GPR176: variants seen among roughly 807,000 people sequenced by gnomAD.
GPR176 encodes G protein-coupled receptor 176, also known as G-protein coupled receptor 176.
GPR176 carries 26 observed loss-of-function variants against 35.4 expected under a neutral mutation model. The observed-to-expected ratio is 0.74, with a 90% CI of 0.54 to 1.02. The LOEUF (loss-of-function observed/expected upper bound fraction) is 1.02, where lower values mean the gene tolerates loss of function less well. Ranked by LOEUF, GPR176 falls within the 50% of genes least tolerant of loss-of-function variation. The pLI is 0.00. For missense variants in GPR176, 597 were observed against 665.3 expected, an observed-to-expected ratio of 0.90 and a Z score of 1.13; for synonymous variants, 278 against 271.3, an observed-to-expected ratio of 1.02 and a Z score of -0.24.
At chr15:39,911,673 C>G (rs948669095) in intron 1 of GPR176, among the ~76,000 whole-genome samples, 2 of 152,180 alleles carry the variant, frequency 1.3e-5, no homozygotes, top group African/African-American at 4.8e-5. Context: ...AAAACTGATA[C>G]AGTGATAACT....
chr15:39,820,071 T>C (rs548496038), intron 1 of GPR176, among the ~76,000 whole-genome samples: 18 of 152,314 alleles, frequency 1.2e-4, no homozygotes, highest in Non-Finnish European at 2.2e-4. Context: ...TGGGACACTC[T>C]CCCACTACTG....
In GPR176 at chr15:39,802,242, G is replaced by T. The variant is rs140419175; in HGVS notation, c.438C>A (p.Val146=). The change falls in exon 3 of 3, where the codon GTC becomes GTA. Residue 146 remains valine (V), a synonymous_variant. Coordinates refer to ENST00000561100, the MANE Select transcript of GPR176 (RefSeq NM_007223.3). ...ATATTTTCCTCTCCAGTGGATAGAGGACTGAGTAGTACCTGCAAGATACAC... is the reference window on the plus strand; with the variant it reads ...ATATTTTCCTCTCCAGTGGATAGAGTACTGAGTAGTACCTGCAAGATACAC... ...PAIALDRYYS[V]LYPLERKISD... is the part of the protein sequence containing the mutation. 6 of 1,606,074 alleles carry T rather than the reference G, an allele frequency of 3.7e-6. No individual in the cohort carries two copies. Among genetic ancestry groups the T allele is most frequent in the Non-Finnish European group, 5.1e-6 (6 of 1,175,200 alleles).
At position 39,812,596 on chromosome 15, in the gene GPR176, C is replaced by T. The variant is rs372393127; in HGVS notation, c.173-5338G>A. On this transcript the variant is annotated intron_variant, in intron 1 of 2. Transcript: ENST00000561100. ...GCTTCCTGGCTCCTCAGCTTGCAGA[C>T]GGCCTACTGTGGGACTTCACTTTGT... 1.2e-4 allele frequency among the ~76,000 whole-genome samples: 19 copies of T among 152,244 alleles called. No homozygotes were observed. The South Asian group carries it at 2.9e-3, about 23-fold the overall frequency.
chr15:39,854,867 C>T (rs970678849), intron 1 of GPR176, among the ~76,000 whole-genome samples: 7 of 151,852 alleles, frequency 4.6e-5, no homozygotes, highest in Non-Finnish European at 5.9e-5. Flanking sequence ...TAAGACATCC[C>T]CCCACCACAC....
At chr15:39,802,294 C>T (rs1396184217) in intron 2 of GPR176, 40 bp from the exon 3 acceptor site, 3 of 1,471,172 alleles carry the variant, frequency 2.0e-6, no homozygotes, top group Non-Finnish European at 2.8e-6. Flanking sequence ...ACAGAAGATA[C>T]TTTTTAAATT....
intron 1 of GPR176, among the ~76,000 whole-genome samples, chr15:39,892,305 A>C (rs2032902922): frequency 6.6e-6 from 1 of 152,188 alleles, no homozygotes. Flanking sequence ...ACTTAAACCA[A>C]ATACAGTAGG....
intron 1 of GPR176, among the ~76,000 whole-genome samples, chr15:39,898,407 A>G (rs932895737): frequency 5.3e-5 from 8 of 152,234 alleles, no homozygotes; most frequent in African/African-American, 1.9e-4. Context: ...CCTTCCTTTC[A>G]ATTATTCTTG....
intron 1 of GPR176, among the ~76,000 whole-genome samples, chr15:39,810,742 G>A (rs1293049525): frequency 6.6e-6 from 1 of 152,194 alleles, no homozygotes; most frequent in African/African-American, 2.4e-5. Flanking sequence ...AAATTACAAG[G>A]AAAAGCCTAT....
At chr15:39,873,620 T>C (rs796124865) in intron 1 of GPR176, among the ~76,000 whole-genome samples, 50 of 120,410 alleles carry the variant, frequency 4.2e-4, no homozygotes, top group African/African-American at 1.5e-3. Flanking sequence ...GTTTTTCTTT[T>C]CTTTTTTTTT....
At chr15:39,915,954 T>G (rs1408362400) in intron 1 of GPR176, among the ~76,000 whole-genome samples, 3 of 152,258 alleles carry the variant, frequency 2.0e-5, no homozygotes, top group Non-Finnish European at 4.4e-5. Context: ...ATGTTAATTT[T>G]CTTTAAATAA....
rs939269577 is a variant in GPR176 at position 39,822,134 on chromosome 15, C to T, written c.173-14876G>A. Among the ~76,000 whole-genome samples, 11 of 152,206 alleles carry T rather than the reference C, an allele frequency of 7.2e-5. No homozygotes were observed. The South Asian group carries it at 2.3e-3, about 32-fold the overall frequency. On this transcript the variant is annotated intron_variant, in intron 1 of 2. Transcript: ENST00000561100. ...TGAATGCACCAACTTGGAAGTGGAT[C>T]CTCCAGCCCCACTCATGCCTTCAGG...
intron 1 of GPR176, among the ~76,000 whole-genome samples, chr15:39,912,265 T>G (rs2033597726): frequency 6.6e-6 from 1 of 152,196 alleles, no homozygotes; most frequent in East Asian, 1.9e-4. Flanking sequence ...CCTCTGTTTT[T>G]GCGCTATATG....
intron 1 of GPR176, among the ~76,000 whole-genome samples, chr15:39,889,131 G>C (rs1463373361): frequency 6.6e-6 from 1 of 152,150 alleles, no homozygotes; most frequent in Non-Finnish European, 1.5e-5. Context: ...ACATTGCAAG[G>C]TTTAGATCTC....
chr15:39,911,592 A>T (rs1484708184), intron 1 of GPR176, among the ~76,000 whole-genome samples: 1 of 152,232 alleles, frequency 6.6e-6, no homozygotes, highest in East Asian at 1.9e-4. Flanking sequence ...AGGGGCATTC[A>T]AAAGTTTTCA....
intron 1 of GPR176, among the ~76,000 whole-genome samples, chr15:39,826,532 G>T (rs771604532): frequency 2.5e-4 from 38 of 152,134 alleles, no homozygotes; most frequent in Non-Finnish European, 4.9e-4. Context: ...AGTGTGCAGG[G>T]CACAGCAAGG....
At chr15:39,853,779 A>G (rs1378928762) in intron 1 of GPR176, among the ~76,000 whole-genome samples, 1 of 152,144 alleles carries the variant, frequency 6.6e-6, no homozygotes, top group Non-Finnish European at 1.5e-5. Flanking sequence ...ACAAAGCACA[A>G]GACATCCCCC....
intron 1 of GPR176, among the ~76,000 whole-genome samples, chr15:39,841,372 T>G (rs2029968749): frequency 8.7e-6 from 1 of 114,732 alleles, no homozygotes; most frequent in Non-Finnish European, 1.6e-5. Context: ...TATCTCAGAA[T>G]GTGGCTTGGA....
intron 1 of GPR176, among the ~76,000 whole-genome samples, chr15:39,906,185 G>A (rs183642724): frequency 1.3e-3 from 192 of 152,272 alleles, no homozygotes; most frequent in Non-Finnish European, 2.3e-3. Flanking sequence ...TAAAACCTAC[G>A]GCATTTAGTT....
At chr15:39,893,763 C>T (rs1302680147) in intron 1 of GPR176, among the ~76,000 whole-genome samples, 3 of 143,774 alleles carry the variant, frequency 2.1e-5, no homozygotes, top group African/African-American at 7.6e-5. Context: ...CCGGGCGGGG[C>T]GGCTGGCCAG....
Sources: allele counts gnomAD v4.1 joint callset (sites outside exome capture counted in the v4.1 genomes callset), GRCh38; gene constraint gnomAD v4.1.1; transcripts MANE v1.5; gene names NCBI Gene and HGNC (gene_info 2026-07-23, HGNC 2026-07-21).